TSPAN5: variants seen among roughly 807,000 people sequenced by gnomAD.
The protein encoded by TSPAN5 is tetraspanin 5, also known as tetraspanin-5.
A neutral mutation model predicts 37.1 loss-of-function variants in TSPAN5; 10 were observed. That is an observed-to-expected ratio of 0.27 (90% CI 0.17 to 0.46). The LOEUF is 0.46. TSPAN5 is among the 20% of genes least tolerant of loss of function. The pLI, the probability that TSPAN5 is intolerant of heterozygous loss-of-function variation, is 1.00. For synonymous variants in TSPAN5, 110 were observed against 118.9 expected (o/e 0.93, Z 0.48); for missense variants, 195 against 326.6 (o/e 0.60, Z 3.11).
intron 1 of TSPAN5, among the ~76,000 whole-genome samples, chr4:98,542,380 T>G (rs1305423711): frequency 2.0e-5 from 3 of 152,186 alleles, no homozygotes; most frequent in African/African-American, 7.2e-5. Flanking sequence ...AGTCAAGAAA[T>G]AGTTGTTTCT....
At chr4:98,508,865 T>C (rs1033941187) in intron 1 of TSPAN5, among the ~76,000 whole-genome samples, 2 of 152,214 alleles carry the variant, frequency 1.3e-5, no homozygotes, top group African/African-American at 4.8e-5. Context: ...GTATTCCATC[T>C]GCTATAAGAT....
intron 2 of TSPAN5, among the ~76,000 whole-genome samples, chr4:98,488,874 G>GT (rs775421568): frequency 6.6e-6 from 1 of 152,038 alleles, no homozygotes; most frequent in Non-Finnish European, 1.5e-5. Flanking sequence ...GCAGTATAGC[G>GT]AGACCCTTTC....
chr4:98,524,226 T>C (rs17027658), intron 1 of TSPAN5, among the ~76,000 whole-genome samples: 5,151 of 152,326 alleles, frequency 0.034, 150 homozygotes, highest in East Asian at 0.14. Flanking sequence ...TTTTTTCCTT[T>C]TGCAAGAAAC....
intron 1 of TSPAN5, among the ~76,000 whole-genome samples, chr4:98,575,872 C>T (rs1054543373): frequency 6.6e-6 from 1 of 151,414 alleles, no homozygotes; most frequent in African/African-American, 2.4e-5. Context: ...GAGATCGAGA[C>T]CATCTGGCCA....
intron 1 of TSPAN5, among the ~76,000 whole-genome samples, chr4:98,570,015 G>A (rs532465216): frequency 3.3e-5 from 5 of 152,308 alleles, no homozygotes; most frequent in Admixed American, 2.6e-4. Context: ...TGATGGGGAT[G>A]TGCACAGAGT....
At chr4:98,625,227 G>A (rs1022236506) in intron 1 of TSPAN5, among the ~76,000 whole-genome samples, 6 of 152,082 alleles carry the variant, frequency 3.9e-5, no homozygotes, top group African/African-American at 1.4e-4. Context: ...TGGTTGCCAA[G>A]GTCTGATTGC....
At chr4:98,555,412 G>A (rs780426307) in intron 1 of TSPAN5, among the ~76,000 whole-genome samples, 1 of 152,118 alleles carries the variant, frequency 6.6e-6, no homozygotes, top group Admixed American at 6.5e-5. Flanking sequence ...TGTTTGAGAT[G>A]ATAACTCAGT....
chr4:98,532,072 A>G (rs1211999339), intron 1 of TSPAN5, among the ~76,000 whole-genome samples: 4 of 152,084 alleles, frequency 2.6e-5, no homozygotes, highest in Admixed American at 2.6e-4. Flanking sequence ...ATTAGATCCC[A>G]TTTGTCTATT....
intron 2 of TSPAN5, among the ~76,000 whole-genome samples, chr4:98,487,533 G>A (rs1752998967): frequency 6.6e-6 from 1 of 152,022 alleles, no homozygotes; most frequent in Non-Finnish European, 1.5e-5. Flanking sequence ...AACTAACACA[G>A]CACCCGGTCC....
At chr4:98,520,363 A>G (rs537157744) in intron 1 of TSPAN5, among the ~76,000 whole-genome samples, 1 of 152,370 alleles carries the variant, frequency 6.6e-6, no homozygotes, top group Non-Finnish European at 1.5e-5. Flanking sequence ...AACTCAAATG[A>G]GTCCAGCATG....
intron 5 of TSPAN5, among the ~76,000 whole-genome samples, chr4:98,477,426 C>T (rs1377998778): frequency 6.6e-6 from 1 of 152,154 alleles, no homozygotes; most frequent in African/African-American, 2.4e-5. Context: ...ACTCCAAGAC[C>T]ATAGCTCCTT....
chr4:98,640,027 A>T (rs1404928515), intron 1 of TSPAN5, among the ~76,000 whole-genome samples: 4 of 152,176 alleles, frequency 2.6e-5, no homozygotes, highest in African/African-American at 9.7e-5. Flanking sequence ...TTACTATAAC[A>T]TCAATGATTT....
chr4:98,486,459 C>T (rs1054632627), intron 3 of TSPAN5: 4 of 378,208 alleles, frequency 1.1e-5, no homozygotes, highest in Non-Finnish European at 1.4e-5. Flanking sequence ...CTACCTTAGT[C>T]CTAAAGATAT....
At chr4:98,575,544 G>A (rs1755214779) in intron 1 of TSPAN5, among the ~76,000 whole-genome samples, 3 of 151,900 alleles carry the variant, frequency 2.0e-5, no homozygotes, top group Middle Eastern at 3.4e-3. Context: ...CTAACGAGAC[G>A]TCTGTGGTTA....
intron 1 of TSPAN5, among the ~76,000 whole-genome samples, chr4:98,573,997 G>A (rs17027777): frequency 0.17 from 25,762 of 152,044 alleles, 2,599 homozygotes; most frequent in East Asian, 0.42. Flanking sequence ...ACAGATTCAC[G>A]CATCAACTGT....
intron 1 of TSPAN5, among the ~76,000 whole-genome samples, chr4:98,520,265 G>T (rs904120136): frequency 7.2e-5 from 11 of 152,162 alleles, no homozygotes; most frequent in Non-Finnish European, 1.2e-4. Context: ...TAAGCAAAGG[G>T]GTGGCAACAG....
intron 2 of TSPAN5, among the ~76,000 whole-genome samples, chr4:98,498,334 G>T (rs997058183): frequency 6.6e-6 from 1 of 152,202 alleles, no homozygotes; most frequent in African/African-American, 2.4e-5. Flanking sequence ...TCTATTGCTG[G>T]AAGTTGGGGT....
At chr4:98,518,901 C>G (rs932991885) in intron 1 of TSPAN5, among the ~76,000 whole-genome samples, 1 of 152,202 alleles carries the variant, frequency 6.6e-6, no homozygotes, top group African/African-American at 2.4e-5. Context: ...ATCAGCATAG[C>G]TGTATGTGTT....
chr4:98,655,532 C>G (rs1560575786), intron 1 of TSPAN5, among the ~76,000 whole-genome samples: 2 of 152,186 alleles, frequency 1.3e-5, no homozygotes, highest in Non-Finnish European at 2.9e-5. Flanking sequence ...TTTTATTTTA[C>G]CAGAACTATA....
Sources: gnomAD v4.1 joint callset for allele counts (sites outside exome capture counted in the v4.1 genomes callset) on GRCh38, gnomAD v4.1.1 for gene constraint, MANE v1.5 for transcripts, NCBI Gene and HGNC (gene_info 2026-07-23, HGNC 2026-07-21) for gene names.